RPS13: variants seen among roughly 807,000 people sequenced by gnomAD.
RPS13 encodes the protein ribosomal protein S13.
RPS13 carries 1 observed loss-of-function variant against 24.6 expected under a neutral mutation model. That is an observed-to-expected ratio of 0.04 (90% CI 0.01 to 0.19). The LOEUF is 0.19. Among genes scored for constraint, RPS13 ranks in the 10% least tolerant of loss-of-function variants. The pLI, the probability that RPS13 is intolerant of heterozygous loss-of-function variation, is 1.00. For missense variants in RPS13, 88 were observed against 187.4 expected (o/e 0.47, Z 3.10); for synonymous variants, 69 against 65.3 (o/e 1.06, Z -0.27).
rs747467285 is a variant in RPS13, at chr11:17,074,484, GGAAA to G, written c.423-22_423-19del. On this transcript the variant is annotated intron_variant, in intron 5 of 5. Transcript: ENST00000525634. ...ATGATTCACTGAAAAAGAAAAAAGG[GGAAA>G]GAAAGAAAATCAGGATTAATACTAG... 5.0e-5 allele frequency: 81 copies of G among 1,605,132 alleles called. No individual in the cohort carries two copies. Among genetic ancestry groups the G allele is most frequent in the Non-Finnish European group, 6.7e-5 (79 of 1,172,526 alleles).
At chr11:17,076,010 A>C (rs1320159632) in intron 3 of RPS13, 1 of 328,220 alleles carries the variant, frequency 3.0e-6, no homozygotes, top group African/African-American at 2.2e-5. Flanking sequence ...CTTACAATCT[A>C]TGACATATTT....
chr11:17,077,368 T>G, intron 2 of RPS13, 61 bp downstream of exon 2: 4 of 1,591,788 alleles, frequency 2.5e-6, no homozygotes, highest in Non-Finnish European at 3.4e-6. Context: ...TGGCGTCGCT[T>G]CACCCGAGAC....
Position 17,074,401 on chromosome 11 carries a change from A to C in RPS13, c.*32T>G, listed in dbSNP as rs751046889. 6.5e-7 allele frequency: 1 copy of C among 1,542,818 alleles called. No individual in the cohort carries two copies. Among genetic ancestry groups the C allele is most frequent in the Non-Finnish European group, 9.0e-7 (1 of 1,115,802 alleles). The stretch of plus-strand genomic sequence containing the variant: ...ATATGAAACATGCTTTTAGTTAAAC[A>C]ATCATTTTATTGCTTGAGTACACAG... On this transcript the variant is annotated 3_prime_UTR_variant, in exon 6 of 6. Coordinates refer to ENST00000525634, the MANE Select transcript of RPS13 (RefSeq NM_001017.3).
chr11:17,076,960 A>G, intron 3 of RPS13: 1 of 568,150 alleles, frequency 1.8e-6, no homozygotes, highest in Non-Finnish European at 3.2e-6. Flanking sequence ...CTCAACTGTA[A>G]ACTGGGGTGA....
chr11:17,077,568 G>T, intron 1 of RPS13, 51 bp downstream of exon 1: 1 of 1,603,336 alleles, frequency 6.2e-7, no homozygotes, highest in Non-Finnish European at 8.5e-7. Flanking sequence ...CACACTCCCT[G>T]TCTTCCTCCC....
chr11:17,077,234 T>G lies in RPS13; in HGVS notation c.85A>C (p.Thr29Pro). The G allele has an allele frequency of 1.2e-6, 2 of 1,613,772 alleles. No individual in the cohort carries two copies. Among genetic ancestry groups the G allele is most frequent in the Non-Finnish European group, 1.7e-6 (2 of 1,179,774 alleles). The change falls in exon 3 of 6, where the codon ACA (threonine) becomes CCA (proline). Residue 29 changes from threonine (T) to proline (P), a missense_variant. Transcript: ENST00000525634. ...RRSVPTWLKL[T>P]SDDVKEQIYK... is the part of the protein sequence containing the mutation. ...ATCTGCTCCTTCACGTCGTCAGATG[T>G]CAACTTCAACCACTGTTATGGAATA...
At chr11:17,077,131 A>G (rs1848034690) in intron 3 of RPS13, 37 bp downstream of exon 3, 2 of 1,475,338 alleles carry the variant, frequency 1.4e-6, no homozygotes, top group Non-Finnish European at 1.9e-6. Context: ...TCACACGAGG[A>G]CAGGCGAAAT....
intron 5 of RPS13, chr11:17,074,812 C>G (rs575527837): frequency 1.5e-6 from 1 of 658,366 alleles, no homozygotes; most frequent in Admixed American, 2.1e-5. Context: ...TACCTACTAT[C>G]TAAAAGAGAG....
chr11:17,075,037 G>T, intron 5 of RPS13, 60 bp downstream of exon 5: 1 of 1,131,756 alleles, frequency 8.8e-7, no homozygotes, highest in South Asian at 1.3e-5. Context: ...TTACTACTAG[G>T]ACTTTTACTA....
intron 3 of RPS13, chr11:17,076,811 C>A (rs1418055406): frequency 5.4e-6 from 2 of 370,932 alleles, no homozygotes; most frequent in Non-Finnish European, 1.0e-5. Flanking sequence ...TGCACGAAGT[C>A]ACACGCAGCT....
chr11:17,077,498 G>C (rs1418379073), intron 1 of RPS13, 21 bp from the exon 2 acceptor site: 5 of 1,613,786 alleles, frequency 3.1e-6, no homozygotes, highest in Non-Finnish European at 3.4e-6. Flanking sequence ...AAGCAGTCTC[G>C]AGGTGAGGTG....
At chr11:17,076,498 G>A in intron 3 of RPS13, 1 of 363,258 alleles carries the variant, frequency 2.8e-6, no homozygotes, top group Non-Finnish European at 5.3e-6. Context: ...GGAGGTTGCA[G>A]TGAGCTGAGA....
chr11:17,075,255 A>G, intron 4 of RPS13, 58 bp from the exon 5 acceptor site: 1 of 1,222,468 alleles, frequency 8.2e-7, no homozygotes, highest in Admixed American at 2.2e-5. Context: ...TAACATTATC[A>G]AACATTAATA....
intron 4 of RPS13, 78 bp from the exon 5 acceptor site, chr11:17,075,275 A>G: frequency 1.8e-6 from 2 of 1,102,204 alleles, no homozygotes; most frequent in Non-Finnish European, 2.7e-6. Flanking sequence ...AAGAGAATGT[A>G]GAGCTACCAT....
chr11:17,076,886 C>G, intron 3 of RPS13: 1 of 507,212 alleles, frequency 2.0e-6, no homozygotes, highest in East Asian at 3.2e-5. Flanking sequence ...AATTCCAACT[C>G]CTCCACTTGA....
Position 17,077,169 on chromosome 11 carries a change from G to A in RPS13, c.150C>T (p.Ile50=), listed in dbSNP as rs769233177. ...GCTATGTTAGACACAAACACTCACCGATCTGTGAAGGAGTAAGGCCCTTCT... is the reference window on the plus strand; with the variant it reads ...GCTATGTTAGACACAAACACTCACCAATCTGTGAAGGAGTAAGGCCCTTCT... ...LAKKGLTPSQ[I]GVILRDSHGV... Residue 50 remains isoleucine, a splice_region_variant and synonymous_variant, in exon 3 of 6, where the codon ATC becomes ATT. Coordinates refer to ENST00000525634, the MANE Select transcript of RPS13 (RefSeq NM_001017.3). The A allele has an allele frequency of 3.7e-6, 6 of 1,609,708 alleles. No homozygotes were observed. The highest frequency in any genetic ancestry group is 5.1e-6 in the Non-Finnish European group (6 of 1,176,322).
rs755816876 is a variant in RPS13 at position 17,077,208 on chromosome 11, A to C, written c.111T>G (p.Ile37Met). 2.0e-5 allele frequency: 32 copies of C among 1,613,864 alleles called. No homozygotes were observed. The highest frequency in any genetic ancestry group is 6.7e-5 in the Admixed American group (4 of 59,972). Residue 37 changes from isoleucine (I) to methionine (M), a missense_variant, in exon 3 of 6, where the codon ATT becomes ATG. Transcript: ENST00000525634. ...TAAGGCCCTTCTTGGCCAGTTTGTA[A>C]ATCTGCTCCTTCACGTCGTCAGATG... ...KLTSDDVKEQ[I>M]YKLAKKGLTP...
rs372503202 is a variant in RPS13 at position 17,075,846 on chromosome 11, T to C, written c.152-223A>G. On this transcript the variant is annotated intron_variant, in intron 3 of 5. Coordinates refer to ENST00000525634, the MANE Select transcript of RPS13 (RefSeq NM_001017.3). ...ACCTTTCTGGTGGAAACTGCGAATGTTGGAAAACCATCATCACAGTGAGCT... is the reference window on the plus strand; with the variant it reads ...ACCTTTCTGGTGGAAACTGCGAATGCTGGAAAACCATCATCACAGTGAGCT... 73 of 648,906 alleles carry C rather than the reference T, an allele frequency of 1.1e-4. No individual in the cohort carries two copies. In the East Asian group the frequency reaches 1.5e-3, roughly 13 times the overall value. 40.2% of individuals were successfully genotyped at this position (648,906 alleles called of 1,614,324 possible).
Position 17,077,452 on chromosome 11 carries a change from G to A in RPS13, c.49C>T (p.Pro17Ser), listed in dbSNP as rs748494500. ...ACAGTGGGGACGCTGCGTCGATAGG[G>A]TAAAGCCGACTGGGACAGGCCCTTC... ...PGKGLSQSAL[P>S]YRRSVPTWLK... Residue 17 changes from proline (P) to serine (S), a missense_variant, in exon 2 of 6, where the codon CCC becomes TCC. By Grantham distance (74) the Pro-to-Ser change is moderately conservative. Coordinates refer to ENST00000525634, the MANE Select transcript of RPS13 (RefSeq NM_001017.3). 6.2e-7 allele frequency: 1 copy of A among 1,613,340 alleles called. No homozygotes were observed. Among genetic ancestry groups the A allele is most frequent in the African/African-American group, 1.3e-5 (1 of 74,972 alleles).
Sources: gnomAD v4.1 joint callset for allele counts on GRCh38, gnomAD v4.1.1 for gene constraint, MANE v1.5 for transcripts, NCBI Gene and HGNC (gene_info 2026-07-23, HGNC 2026-07-21) for gene names.